The following CDH13 variants were observed in gnomAD, a reference collection of about 807,000 sequenced individuals.
CDH13 encodes the protein cadherin-13.
Under a neutral mutation model 63.8 loss-of-function variants are expected in CDH13, and 24 were observed. The ratio of observed to expected loss-of-function variants is 0.38; its 90% CI spans 0.27 to 0.53. The LOEUF (loss-of-function observed/expected upper bound fraction) is 0.53. Ranked by LOEUF, CDH13 falls within the 20% of genes least tolerant of loss-of-function variation. The probability of loss-of-function intolerance (pLI) is 0.85; values close to 1 mark genes in which losing one functional copy is unlikely to be tolerated. For missense variants in CDH13, 1,049 were observed against 903.1 expected (o/e 1.16, Z -2.07); for synonymous variants, 503 against 355.3 (o/e 1.42, Z -4.67).
chr16:82,844,724 C>G lies in CDH13; in HGVS notation c.46-13638C>G, dbSNP rs572808249. 35 of 145,060 alleles carry G rather than the reference C, an allele frequency of 2.4e-4. 1 individual carries two copies. The highest frequency in any genetic ancestry group is 2.0e-3 in the Admixed American group (29 of 14,264). The allele number at this position is 145,060 out of a possible 1,614,324, so 9.0% of individuals were successfully genotyped here. A position where few individuals can be genotyped will look rare whatever the true frequency, so the allele number is the denominator to read the frequency against. ...ATGCTATCTCGGCTCACTGTAAGCT[C>G]CGCCTCCCGGGTTCACGCTATTCTC... On this transcript the variant is annotated intron_variant, in intron 1 of 13. Coordinates refer to ENST00000567109, the MANE Select transcript of CDH13 (RefSeq NM_001257.5).
chr16:83,636,895 C>CT (rs1414062200), intron 8 of CDH13, among the ~76,000 whole-genome samples: 7 of 152,186 alleles, frequency 4.6e-5, no homozygotes, highest in Non-Finnish European at 7.3e-5. Flanking sequence ...TATGTGTTCC[C>CT]TTTTCTCCTA....
At chr16:83,037,133 A>G (rs1259705160) in intron 3 of CDH13, among the ~76,000 whole-genome samples, 2 of 152,194 alleles carry the variant, frequency 1.3e-5, no homozygotes, top group African/African-American at 2.4e-5. Context: ...TAGAGCTACT[A>G]GTTGAAATAA....
At chr16:82,998,325 GAGAA>G (rs1405876927) in intron 2 of CDH13, among the ~76,000 whole-genome samples, 1 of 152,164 alleles carries the variant, frequency 6.6e-6, no homozygotes, top group African/African-American at 2.4e-5. Flanking sequence ...TTTGACAAAA[GAGAA>G]AGAAAGAACA....
chr16:83,043,940 C>A (rs1186339718), intron 3 of CDH13, among the ~76,000 whole-genome samples: 1 of 151,988 alleles, frequency 6.6e-6, no homozygotes, highest in Non-Finnish European at 1.5e-5. Context: ...TAAGGCACAT[C>A]TCAATTTAGA....
At chr16:83,488,526 T>C (rs536680795) in intron 7 of CDH13, among the ~76,000 whole-genome samples, 17 of 152,370 alleles carry the variant, frequency 1.1e-4, no homozygotes, top group African/African-American at 3.8e-4. Context: ...TAATCGTTTC[T>C]AGTTAAAGAA....
intron 7 of CDH13, among the ~76,000 whole-genome samples, chr16:83,491,502 C>G (rs1392307211): frequency 6.6e-6 from 1 of 151,386 alleles, no homozygotes; most frequent in African/African-American, 2.4e-5. Context: ...AATTCATCTG[C>G]TGGAATCTGC....
chr16:83,461,257 A>T (rs2073174956), intron 6 of CDH13, among the ~76,000 whole-genome samples: 1 of 152,196 alleles, frequency 6.6e-6, no homozygotes, highest in Admixed American at 6.5e-5. Context: ...TATATAAAAT[A>T]TATAGCTTTT....
At chr16:82,881,093 T>A (rs550307076) in intron 2 of CDH13, among the ~76,000 whole-genome samples, 3 of 152,186 alleles carry the variant, frequency 2.0e-5, no homozygotes, top group African/African-American at 7.2e-5. Flanking sequence ...TGCTTTAGTA[T>A]TGTTTTTTTC....
intron 7 of CDH13, among the ~76,000 whole-genome samples, chr16:83,575,547 CG>C (rs1194458703): frequency 6.6e-6 from 1 of 152,178 alleles, no homozygotes; most frequent in Non-Finnish European, 1.5e-5. Flanking sequence ...CCCTCCAGCC[CG>C]GGGGTTTCCA....
At chr16:83,670,652 T>C in intron 8 of CDH13, 138 bp from the exon 9 acceptor site, 1 of 800,770 alleles carries the variant, frequency 1.2e-6, no homozygotes, top group Non-Finnish European at 2.0e-6. Context: ...AAGAGCATAG[T>C]ATCTTCCAAC....
intron 1 of CDH13, among the ~76,000 whole-genome samples, chr16:82,684,193 G>A (rs1277815779): frequency 1.3e-5 from 2 of 152,206 alleles, no homozygotes; most frequent in East Asian, 3.8e-4. Context: ...AGACATCCCT[G>A]GATTTCAGGA....
At chr16:83,253,126 A>G (rs983650923) in intron 5 of CDH13, among the ~76,000 whole-genome samples, 2 of 152,158 alleles carry the variant, frequency 1.3e-5, no homozygotes. Flanking sequence ...CCTCAAAGTA[A>G]AATAACAAGG....
At chr16:83,019,293 G>C (rs962162653) in intron 2 of CDH13, among the ~76,000 whole-genome samples, 5 of 151,790 alleles carry the variant, frequency 3.3e-5, no homozygotes, top group Admixed American at 3.3e-4. Flanking sequence ...TTTGTTAAAA[G>C]CTGAGACATG....
chr16:82,765,454 C>G (rs1477557414), intron 1 of CDH13, among the ~76,000 whole-genome samples: 1 of 152,166 alleles, frequency 6.6e-6, no homozygotes, highest in Non-Finnish European at 1.5e-5. Flanking sequence ...CTGTCAAAAT[C>G]ATAGACTGCA....
chr16:82,853,653 G>T (rs2039579887), intron 1 of CDH13, among the ~76,000 whole-genome samples: 1 of 152,170 alleles, frequency 6.6e-6, no homozygotes, highest in African/African-American at 2.4e-5. Context: ...GTGAATCTTT[G>T]TAGCAGGCTG....
At position 82,644,707 on chromosome 16, in the gene CDH13, G is replaced by A. The variant is rs899351564; in HGVS notation, c.45+17570G>A. 6.6e-6 allele frequency among the ~76,000 whole-genome samples: 1 copy of A among 152,142 alleles called. No individual in the cohort carries two copies. The highest frequency in any genetic ancestry group is 6.5e-5 in the Admixed American group (1 of 15,278). ...CTCTGGCTGGGACCCAGGCTCCCAG[G>A]TAGCCAGCTCCCAGGTGACAGGAGT... On this transcript the variant is annotated intron_variant, in intron 1 of 13. Transcript: ENST00000567109. This position sits in a 1 kb window ranked among gnomAD's most constrained non-coding sequence, Gnocchi z 5.7.
intron 11 of CDH13, among the ~76,000 whole-genome samples, chr16:83,772,221 G>A (rs991128017): frequency 7.1e-6 from 1 of 140,850 alleles, no homozygotes; most frequent in Non-Finnish European, 1.6e-5. Context: ...CTTCAGGAAT[G>A]GAGAAATGAA....
At chr16:82,694,624 A>C (rs2030034607) in intron 1 of CDH13, among the ~76,000 whole-genome samples, 1 of 152,074 alleles carries the variant, frequency 6.6e-6, no homozygotes, top group South Asian at 2.1e-4. Flanking sequence ...TTTTTGGTGA[A>C]TTTTCCCACT....
intron 2 of CDH13, among the ~76,000 whole-genome samples, chr16:82,909,557 G>A (rs2041762502): frequency 6.7e-6 from 1 of 149,390 alleles, no homozygotes; most frequent in East Asian, 1.9e-4. Context: ...CCACATGGCT[G>A]GGGAGACCTC....
Sources: allele counts gnomAD v4.1 joint callset (sites outside exome capture counted in the v4.1 genomes callset), GRCh38; gene constraint gnomAD v4.1.1; non-coding constraint Gnocchi (gnomAD v3.1); transcripts MANE v1.5; gene names NCBI Gene and HGNC (gene_info 2026-07-23, HGNC 2026-07-21).